Variants in PCNX2 observed in about 807,000 individuals in gnomAD.
PCNX2 encodes the protein pecanex 2.
Under a neutral mutation model 223.8 loss-of-function variants are expected in PCNX2, and 168 were observed. The ratio of observed to expected loss-of-function variants is 0.75; its 90% confidence interval spans 0.66 to 0.85. The LOEUF is 0.85. Ranked by LOEUF, PCNX2 falls within the 40% of genes least tolerant of loss-of-function variation. The pLI is 0.00. For missense variants in PCNX2, 2,507 were observed against 2,675.5 expected, an observed-to-expected ratio of 0.94 and a Z score of 1.39; for synonymous variants, 1,006 against 1,052.6, an observed-to-expected ratio of 0.96 and a Z score of 0.86.
chr1:233,217,928 C>T lies in PCNX2; in HGVS notation c.2662G>A (p.Val888Ile), dbSNP rs778838434. 65 of 1,613,676 alleles carry T rather than the reference C, an allele frequency of 4.0e-5. No homozygotes were observed. Among genetic ancestry groups the T allele is most frequent in the Non-Finnish European group, 5.3e-5 (63 of 1,179,854 alleles). ...ASCQYSLLKSVQPDPASPIHG... is the reference protein window; with the variant it reads ...ASCQYSLLKSIQPDPASPIHG... ...ATTGGTGAGGCGGGGTCAGGCTGAA[C>T]ACTCTAAAACACAAATCAGAAGTGT... is the stretch of plus-strand genomic sequence containing the variant. The change falls in exon 12 of 34, where the codon GTT (valine) becomes ATT (isoleucine). Residue 888 changes from valine to isoleucine, a missense_variant. By Grantham distance (29) the Val-to-Ile change is conservative (BLOSUM62 3). Transcript: ENST00000258229.
At chr1:233,079,627 A>C in intron 23 of PCNX2, among the ~76,000 whole-genome samples, 1 of 152,152 alleles carries the variant, frequency 6.6e-6, no homozygotes, top group Non-Finnish European at 1.5e-5. Context: ...AAGTGACAGA[A>C]AACTCAACTC....
intron 25 of PCNX2, among the ~76,000 whole-genome samples, chr1:233,034,068 C>T (rs57086161): frequency 0.038 from 5,739 of 151,926 alleles, 334 homozygotes; most frequent in African/African-American, 0.13. Context: ...AAAAATTAGC[C>T]GGGCGTGGTG....
At chr1:233,027,937 C>T (rs1278590561) in intron 25 of PCNX2, among the ~76,000 whole-genome samples, 6 of 152,250 alleles carry the variant, frequency 3.9e-5, no homozygotes, top group Admixed American at 2.6e-4. Context: ...TTATATGCTG[C>T]GTTTTGTTTT....
chr1:233,161,621 C>T (rs1678487194), intron 17 of PCNX2, among the ~76,000 whole-genome samples: 1 of 152,058 alleles, frequency 6.6e-6, no homozygotes, highest in African/African-American at 2.4e-5. Context: ...TGTCTGGGTG[C>T]TAACCATAGA....
chr1:233,117,059 C>T (rs1474238153), intron 21 of PCNX2, among the ~76,000 whole-genome samples: 1 of 152,116 alleles, frequency 6.6e-6, no homozygotes, highest in Non-Finnish European at 1.5e-5. Context: ...AGAAACAGAT[C>T]ATTTCCAAAA....
chr1:233,018,660 G>C (rs1190230411), intron 26 of PCNX2: 1 of 609,876 alleles, frequency 1.6e-6, no homozygotes, highest in African/African-American at 2.0e-5. Context: ...TGCTGCTGTG[G>C]AGTCCCTGCC....
At chr1:233,078,174 G>C (rs1673184161) in intron 23 of PCNX2, among the ~76,000 whole-genome samples, 1 of 152,216 alleles carries the variant, frequency 6.6e-6, no homozygotes, top group South Asian at 2.1e-4. Context: ...AGCCTCAAAT[G>C]CAAAAGCCTC....
intron 19 of PCNX2, among the ~76,000 whole-genome samples, chr1:233,153,790 T>C (rs965698079): frequency 1.3e-5 from 2 of 152,054 alleles, no homozygotes; most frequent in African/African-American, 2.4e-5. Flanking sequence ...GAGGGTGGAG[T>C]TGACAGGAAT....
intron 15 of PCNX2, among the ~76,000 whole-genome samples, chr1:233,185,194 A>G (rs1229976130): frequency 1.3e-5 from 2 of 152,096 alleles, no homozygotes; most frequent in Non-Finnish European, 2.9e-5. Flanking sequence ...TTGATTATCA[A>G]CATCATGGGT....
At chr1:233,222,872 T>C (rs1473678884) in intron 10 of PCNX2, among the ~76,000 whole-genome samples, 1 of 152,184 alleles carries the variant, frequency 6.6e-6, no homozygotes, top group Non-Finnish European at 1.5e-5. Context: ...ATGTGAGATG[T>C]CATCCTGAAA....
intron 10 of PCNX2, among the ~76,000 whole-genome samples, chr1:233,220,268 C>T (rs1032046242): frequency 9.2e-5 from 14 of 152,172 alleles, no homozygotes; most frequent in Non-Finnish European, 1.9e-4. Context: ...TTTGCATGGA[C>T]GTATGTTTTC....
chr1:233,277,820 G>A (rs1481093552), intron 1 of PCNX2, among the ~76,000 whole-genome samples: 1 of 152,128 alleles, frequency 6.6e-6, no homozygotes, highest in East Asian at 1.9e-4. Flanking sequence ...ACAGGAGAAA[G>A]GAGATGATGA....
intron 19 of PCNX2, among the ~76,000 whole-genome samples, chr1:233,153,878 A>T (rs185709296): frequency 6.6e-6 from 1 of 152,368 alleles, no homozygotes; most frequent in Admixed American, 6.5e-5. Context: ...AAAATACATT[A>T]TAAAAAGCAA....
At chr1:233,304,550 T>A in the PCNX2 span, among the ~76,000 whole-genome samples, 2 of 152,160 alleles carry the variant, frequency 1.3e-5, no homozygotes. Flanking sequence ...GCACATATTA[T>A]AATTCAGACA....
intron 8 of PCNX2, chr1:233,241,462 A>G (rs1658760649): frequency 3.5e-6 from 3 of 847,088 alleles, no homozygotes; most frequent in Non-Finnish European, 4.3e-6. Context: ...AAAACAAGAT[A>G]AGAATGACAG....
intron 26 of PCNX2, among the ~76,000 whole-genome samples, chr1:233,017,646 A>G (rs7550701): frequency 0.12 from 18,051 of 151,804 alleles, 1,218 homozygotes; most frequent in Admixed American, 0.19. Context: ...GTTATCTTCA[A>G]CCTCAGGAAA....
intron 23 of PCNX2, among the ~76,000 whole-genome samples, chr1:233,077,969 T>C (rs1673172680): frequency 1.3e-5 from 2 of 152,238 alleles, no homozygotes; most frequent in South Asian, 4.1e-4. Context: ...AATGGTTTTG[T>C]ATATTCACAT....
chr1:233,020,684 C>T (rs1427042685), intron 26 of PCNX2, among the ~76,000 whole-genome samples: 1 of 152,222 alleles, frequency 6.6e-6, no homozygotes, highest in Non-Finnish European at 1.5e-5. Context: ...GAAACAATGA[C>T]AGCAGGAGAG....
At position 232,984,320 on chromosome 1, in the gene PCNX2, A is replaced by G. The variant is rs757488255; in HGVS notation, c.6398T>C (p.Val2133Ala). 1.2e-6 allele frequency: 2 copies of G among 1,607,626 alleles called. No individual in the cohort carries two copies. Among genetic ancestry groups the G allele is most frequent in the South Asian group, 2.2e-5 (2 of 90,376 alleles). The change falls in exon 34 of 34, where the codon GTG (valine) becomes GCG (alanine). Residue 2133 changes from valine (V) to alanine (A), a missense_variant. By Grantham distance (64) the Val-to-Ala change is moderately conservative. Around this residue, in one of 3 missense-constraint regions of PCNX2, gnomAD observed 1,372 missense variants for 1,509.4 expected, o/e 0.91. Transcript: ENST00000258229. ...GLDDTASQQSVSDEQ is the reference protein window; with the variant it reads ...GLDDTASQQSASDEQ ...GCACGCCCGTCACTGCTCGTCTGAC[A>G]CACTTTGCTGCGAGGCCGTGTCGTC...
Sources: allele counts gnomAD v4.1 joint callset (sites outside exome capture counted in the v4.1 genomes callset), GRCh38; gene constraint gnomAD v4.1.1; regional missense constraint gnomAD v4.1.1; transcripts MANE v1.5; gene names NCBI Gene and HGNC (gene_info 2026-07-23, HGNC 2026-07-21).